Variants in SHISA9 observed in about 807,000 individuals in gnomAD.
SHISA9 encodes the protein shisa family member 9.
SHISA9 carries 13 observed loss-of-function variants against 38.0 expected under a neutral mutation model. The observed-to-expected ratio is 0.34, with a 90% CI of 0.22 to 0.54. SHISA9 has a LOEUF of 0.54. Among genes scored for constraint, SHISA9 ranks in the 20% least tolerant of loss-of-function variants. The probability of loss-of-function intolerance (pLI) is 0.91; values close to 1 mark genes in which losing one functional copy is unlikely to be tolerated. For synonymous variants in SHISA9, 275 were observed against 242.0 expected, an observed-to-expected ratio of 1.14 and a Z score of -1.27; for missense variants, 538 against 575.8, an observed-to-expected ratio of 0.93 and a Z score of 0.67.
chr16:13,019,968 TTTCCTTCCTTCCTTCCTTCCTTCC>T (rs750335000), intron 2 of SHISA9, among the ~76,000 whole-genome samples: 1 of 43,198 alleles, frequency 2.3e-5, no homozygotes, highest in African/African-American at 8.9e-5. Flanking sequence ...TCCCTCCTTC[TTTCCTTCCTTCCTTCCTTCCTTCC>T]TTCCTTCCTT....
the SHISA9 span, among the ~76,000 whole-genome samples, chr16:13,369,157 T>C: frequency 6.6e-6 from 1 of 152,238 alleles, no homozygotes; most frequent in Non-Finnish European, 1.5e-5. Flanking sequence ...ATTCCATTCA[T>C]ACATATTTTG....
At chr16:13,377,903 C>A in the SHISA9 span, among the ~76,000 whole-genome samples, 1 of 152,048 alleles carries the variant, frequency 6.6e-6, no homozygotes, top group African/African-American at 2.4e-5. Context: ...CGTGGTGGCA[C>A]GCACCTGTAG....
chr16:13,154,920 G>T (rs181784558), intron 2 of SHISA9, among the ~76,000 whole-genome samples: 1 of 152,340 alleles, frequency 6.6e-6, no homozygotes, highest in African/African-American at 2.4e-5. Flanking sequence ...GCAGAGATGG[G>T]AACTCTGTCC....
intron 2 of SHISA9, among the ~76,000 whole-genome samples, chr16:12,980,758 AC>A (rs1161057513): frequency 2.7e-5 from 4 of 150,754 alleles, no homozygotes; most frequent in Non-Finnish European, 4.4e-5. Context: ...TTTAGTCATG[AC>A]TTCTTCCTCT....
intron 2 of SHISA9, among the ~76,000 whole-genome samples, chr16:13,093,115 C>T (rs1370118920): frequency 6.6e-6 from 1 of 152,142 alleles, no homozygotes; most frequent in East Asian, 1.9e-4. Flanking sequence ...GTCCTGGGTT[C>T]TGTTGGCAGC....
At chr16:12,975,377 AC>A (rs2072144036) in intron 2 of SHISA9, among the ~76,000 whole-genome samples, 1 of 151,866 alleles carries the variant, frequency 6.6e-6, no homozygotes. Context: ...AGTGGCTGGC[AC>A]CTGTAATCCC....
At chr16:13,053,325 T>G (rs543463903) in intron 2 of SHISA9, among the ~76,000 whole-genome samples, 1 of 152,236 alleles carries the variant, frequency 6.6e-6, no homozygotes, top group Non-Finnish European at 1.5e-5. Context: ...ACCTCTGCAA[T>G]GTAGTTGACG....
intron 2 of SHISA9, among the ~76,000 whole-genome samples, chr16:13,078,231 G>A (rs969470208): frequency 1.3e-5 from 2 of 152,172 alleles, no homozygotes; most frequent in African/African-American, 2.4e-5. Flanking sequence ...AGATGCTCAA[G>A]TCCCTCATAC....
At chr16:13,510,782 A>G in the SHISA9 span, among the ~76,000 whole-genome samples, 3 of 147,770 alleles carry the variant, frequency 2.0e-5, no homozygotes, top group Admixed American at 6.8e-5. Flanking sequence ...ATAAATGTGA[A>G]TTTTCTGGGT....
At chr16:13,193,835 T>G (rs1179006154) in intron 2 of SHISA9, among the ~76,000 whole-genome samples, 1 of 152,168 alleles carries the variant, frequency 6.6e-6, no homozygotes, top group Admixed American at 6.5e-5. Flanking sequence ...CTCAGAGTTA[T>G]TGGGGAGTGC....
intron 4 of SHISA9, among the ~76,000 whole-genome samples, chr16:13,222,693 A>C (rs1299543012): frequency 6.6e-6 from 1 of 151,970 alleles, no homozygotes; most frequent in African/African-American, 2.4e-5. Flanking sequence ...GGGAATGTAC[A>C]TTTCAGGAGA....
chr16:13,073,264 G>A (rs2141925570), intron 2 of SHISA9, among the ~76,000 whole-genome samples: 1 of 132,830 alleles, frequency 7.5e-6, no homozygotes, highest in South Asian at 2.4e-4. Flanking sequence ...ATCATTTCTT[G>A]AGGATTAATT....
At chr16:13,421,102 A>C in the SHISA9 span, among the ~76,000 whole-genome samples, 1 of 152,194 alleles carries the variant, frequency 6.6e-6, no homozygotes, top group Admixed American at 6.5e-5. Flanking sequence ...CTTTCCCTTC[A>C]ATAAAAATAT....
chr16:13,052,370 A>T (rs766099748), intron 2 of SHISA9, among the ~76,000 whole-genome samples: 1 of 152,196 alleles, frequency 6.6e-6, no homozygotes, highest in Non-Finnish European at 1.5e-5. Flanking sequence ...GGCTCTAAAG[A>T]TGATTAAAGA....
At chr16:13,347,670 C>T in the SHISA9 span, among the ~76,000 whole-genome samples, 1 of 151,988 alleles carries the variant, frequency 6.6e-6, no homozygotes. Context: ...TTTTAGGGGC[C>T]CCTGATTGAC....
intron 2 of SHISA9, among the ~76,000 whole-genome samples, chr16:12,966,758 G>A (rs2071984540): frequency 6.6e-6 from 1 of 152,178 alleles, no homozygotes; most frequent in Non-Finnish European, 1.5e-5. Flanking sequence ...AATTTACTGA[G>A]TAAATGAATG....
In SHISA9 at chr16:13,235,217, C is replaced by G; in HGVS notation, c.1083C>G (p.Ala361=). Residue 361 remains alanine (A), a synonymous_variant, in exon 5 of 5, where the codon GCC becomes GCG. Coordinates refer to ENST00000558583, the MANE Select transcript of SHISA9 (RefSeq NM_001145204.3). The stretch of plus-strand genomic sequence containing the variant: ...ACAAGATGCCCCCACATCCCCTGGC[C>G]TACACCTCTACCACCAACTTTAAGG... The part of the protein sequence containing the change: ...RTNKMPPHPL[A]YTSTTNFKGW... 6.4e-7 allele frequency: 1 copy of G among 1,551,816 alleles called. No homozygotes were observed. Among genetic ancestry groups the G allele is most frequent in the Non-Finnish European group, 8.7e-7 (1 of 1,147,022 alleles).
At chr16:13,049,679 GA>G (rs2073228501) in intron 2 of SHISA9, among the ~76,000 whole-genome samples, 1 of 152,144 alleles carries the variant, frequency 6.6e-6, no homozygotes, top group East Asian at 1.9e-4. Flanking sequence ...TTAGACAAAG[GA>G]AAAATTCCAA....
intron 2 of SHISA9, among the ~76,000 whole-genome samples, chr16:13,195,084 CCCTTA>C (rs2050924251): frequency 6.6e-6 from 1 of 152,156 alleles, no homozygotes; most frequent in Non-Finnish European, 1.5e-5. Flanking sequence ...TATCTAAATT[CCCTTA>C]CCTTGTCAGC....
Sources: allele counts gnomAD v4.1 joint callset (sites outside exome capture counted in the v4.1 genomes callset), GRCh38; gene constraint gnomAD v4.1.1; transcripts MANE v1.5; gene names NCBI Gene and HGNC (gene_info 2026-07-23, HGNC 2026-07-21).